The following GALNT2 variants were observed in gnomAD, a reference collection of about 807,000 sequenced individuals.
The protein encoded by GALNT2 is UDP-GalNAc:polypeptide N-acetylgalactosaminyltransferase 2.
In GALNT2, 31 loss-of-function variants were observed where a neutral mutation model predicts 81.4. The ratio of observed to expected loss-of-function variants is 0.38; its 90% CI spans 0.29 to 0.51. GALNT2 has a LOEUF of 0.51. Among genes scored for constraint, GALNT2 ranks in the 20% least tolerant of loss-of-function variants. GALNT2 has a pLI of 0.87. For missense variants in GALNT2, 629 were observed against 765.7 expected, an observed-to-expected ratio of 0.82 and a Z score of 2.11; for synonymous variants, 303 against 287.4, an observed-to-expected ratio of 1.05 and a Z score of -0.55.
At chr1:230,205,425 T>C (rs866537223) in intron 3 of GALNT2, among the ~76,000 whole-genome samples, 4 of 152,182 alleles carry the variant, frequency 2.6e-5, no homozygotes, top group Non-Finnish European at 5.9e-5. Flanking sequence ...ATACATATCT[T>C]ATATAATAGT....
At chr1:230,067,212 C>G (rs1355661228), upstream of GALNT2, 3 of 1,047,518 alleles carry the variant, frequency 2.9e-6, no homozygotes, top group African/African-American at 5.1e-5. Flanking sequence ...CCGGCCCCCA[C>G]CGCGCCCGCG....
intron 1 of GALNT2, among the ~76,000 whole-genome samples, chr1:230,058,766 A>T (rs10779822): frequency 2.6e-5 from 4 of 151,996 alleles, no homozygotes; most frequent in Non-Finnish European, 4.4e-5. Context: ...CTGGGAAGAC[A>T]GCAGCAGGTG....
chr1:230,130,607 G>A (rs890413743), intron 1 of GALNT2, among the ~76,000 whole-genome samples: 1 of 152,194 alleles, frequency 6.6e-6, no homozygotes, highest in African/African-American at 2.4e-5. Flanking sequence ...CGACCCCTGT[G>A]TCTCCCCTAA....
chr1:230,131,344 CA>C (rs1661361723), intron 1 of GALNT2, among the ~76,000 whole-genome samples: 1 of 152,170 alleles, frequency 6.6e-6, no homozygotes, highest in Non-Finnish European at 1.5e-5. Context: ...CTGCTGATCC[CA>C]AATTCCTAGA....
chr1:230,255,928 A>C (rs2102753698), intron 11 of GALNT2, among the ~76,000 whole-genome samples: 1 of 152,316 alleles, frequency 6.6e-6, no homozygotes, highest in South Asian at 2.1e-4. Flanking sequence ...AATGAACAGA[A>C]ATTTATCTAC....
intron 11 of GALNT2, chr1:230,259,900 G>T (rs1665826185): frequency 6.6e-6 from 1 of 152,204 alleles, no homozygotes; most frequent in African/African-American, 2.4e-5. Context: ...CAAAAAGAGG[G>T]TTTGTTTGGG....
intron 1 of GALNT2, among the ~76,000 whole-genome samples, chr1:230,080,101 A>C (rs1350484628): frequency 6.6e-6 from 1 of 152,212 alleles, no homozygotes; most frequent in Non-Finnish European, 1.5e-5. Flanking sequence ...TTTAGTTTAG[A>C]GGATTTTTCT....
intron 1 of GALNT2, among the ~76,000 whole-genome samples, chr1:230,088,420 G>GTT (rs200381906): frequency 6.8e-6 from 1 of 147,888 alleles, no homozygotes; most frequent in Non-Finnish European, 1.5e-5. Flanking sequence ...GTGTGACAGG[G>GTT]TTTTTTTTTT....
At chr1:230,126,306 C>T (rs1661174052) in intron 1 of GALNT2, among the ~76,000 whole-genome samples, 1 of 152,144 alleles carries the variant, frequency 6.6e-6, no homozygotes, top group Non-Finnish European at 1.5e-5. Flanking sequence ...CACCCCTCTG[C>T]AGAATGTGGA....
upstream of GALNT2, chr1:230,067,071 C>T (rs1455749162): frequency 1.3e-5 from 2 of 155,258 alleles, no homozygotes; most frequent in East Asian, 3.8e-4. Flanking sequence ...CCGCTGCTTC[C>T]TGCTCTGGTG....
In GALNT2 at chr1:230,279,413, G is replaced by C; in HGVS notation, c.1671G>C (p.Pro557=). Residue 557 remains proline, a synonymous_variant, in exon 16 of 16, where the codon CCG becomes CCC. Transcript: ENST00000366672. The surrounding 1 kb of genome is among the most constrained non-coding windows in gnomAD (Gnocchi z 4.6). ...SGGLSVEVCG[P]ALSQQWKFTL... ...GCCTAAGCGTGGAGGTGTGTGGCCC[G>C]GCCCTTTCGCAGCAGTGGAAGTTCA... 3 of 1,614,144 alleles carry C rather than the reference G, an allele frequency of 1.9e-6. No individual in the cohort carries two copies. Among genetic ancestry groups the C allele is most frequent in the Non-Finnish European group, 1.7e-6 (2 of 1,180,034 alleles).
chr1:230,274,356 A>G, intron 14 of GALNT2, 89 bp from the exon 15 acceptor site: 1 of 1,527,128 alleles, frequency 6.5e-7, no homozygotes, highest in South Asian at 1.3e-5. Context: ...CCCGTGACCC[A>G]TTTCCTTTTT....
chr1:230,186,585 A>G (rs1033664194), intron 2 of GALNT2, among the ~76,000 whole-genome samples: 2 of 152,224 alleles, frequency 1.3e-5, no homozygotes, highest in Admixed American at 6.5e-5. Flanking sequence ...AAAAACATAC[A>G]AGTGTTCTGA....
intron 1 of GALNT2, among the ~76,000 whole-genome samples, chr1:230,074,285 G>T (rs1356481853): frequency 6.6e-6 from 1 of 152,138 alleles, no homozygotes; most frequent in Non-Finnish European, 1.5e-5. Context: ...TAGGGACAGG[G>T]TTTCACTATG....
At chr1:230,253,337 C>T (rs1665609234) in intron 10 of GALNT2, among the ~76,000 whole-genome samples, 2 of 152,134 alleles carry the variant, frequency 1.3e-5, no homozygotes, top group Admixed American at 6.5e-5. Context: ...CAAGTAGAAA[C>T]TCATGGTGTT....
intron 1 of GALNT2, among the ~76,000 whole-genome samples, chr1:230,138,524 CAAAAAAAA>C (rs35938447): frequency 4.0e-5 from 3 of 75,930 alleles, no homozygotes; most frequent in African/African-American, 1.0e-4. Flanking sequence ...GACTCTGTCT[CAAAAAAAA>C]AAAAAAAAAA....
chr1:230,103,365 G>T (rs1390071190), intron 1 of GALNT2, among the ~76,000 whole-genome samples: 1 of 152,194 alleles, frequency 6.6e-6, no homozygotes, highest in African/African-American at 2.4e-5. Flanking sequence ...CTACAGTCAT[G>T]CAAAGATGAT....
intron 14 of GALNT2, among the ~76,000 whole-genome samples, chr1:230,265,945 A>G (rs1666025868): frequency 6.6e-6 from 1 of 152,148 alleles, no homozygotes; most frequent in African/African-American, 2.4e-5. Flanking sequence ...TAATCCCAAC[A>G]CTTTGGGAGG....
intron 1 of GALNT2, among the ~76,000 whole-genome samples, chr1:230,117,292 A>G (rs1451244714): frequency 2.0e-5 from 3 of 152,214 alleles, no homozygotes; most frequent in African/African-American, 2.4e-5. Flanking sequence ...TTGATCTTCT[A>G]TCCAGACTGC....
Sources: allele counts gnomAD v4.1 joint callset (sites outside exome capture counted in the v4.1 genomes callset), GRCh38; gene constraint gnomAD v4.1.1; non-coding constraint Gnocchi (gnomAD v3.1); transcripts MANE v1.5; gene names NCBI Gene and HGNC (gene_info 2026-07-23, HGNC 2026-07-21).